Variants in AP2A2 observed in about 807,000 individuals in gnomAD.
The protein encoded by AP2A2 is adaptor related protein complex 2 subunit alpha 2.
In AP2A2, 32 loss-of-function variants were observed where a neutral mutation model predicts 104.2. The ratio of observed to expected loss-of-function variants is 0.31; its 90% CI spans 0.23 to 0.41. AP2A2 has a LOEUF of 0.41. Among genes scored for constraint, AP2A2 ranks in the 10% least tolerant of loss-of-function variants. The pLI is 1.00. For synonymous variants in AP2A2, 539 were observed against 533.3 expected, an observed-to-expected ratio of 1.01 and a Z score of -0.15; for missense variants, 912 against 1,261.0, an observed-to-expected ratio of 0.72 and a Z score of 4.19.
In AP2A2 at chr11:1,009,407, C is replaced by T. The variant is rs750172676; in HGVS notation, c.2607+10C>T. 5 of 1,609,946 alleles carry T rather than the reference C, an allele frequency of 3.1e-6. No individual in the cohort carries two copies. In the South Asian group the frequency reaches 5.5e-5, roughly 18 times the overall value. The stretch of plus-strand genomic sequence containing the variant: ...AGTCACCAAAGCCAAGGTAACACGT[C>T]TGGAGGGACGGCCCCGGGGGACACG... On this transcript the variant is annotated intron_variant, in intron 20 of 21. Coordinates refer to ENST00000448903, the MANE Select transcript of AP2A2 (RefSeq NM_012305.4).
intron 1 of AP2A2, chr11:946,632 G>T (rs186428936): frequency 2.0e-5 from 3 of 152,208 alleles, no homozygotes; most frequent in African/African-American, 7.2e-5. Context: ...TTAGCCAGGC[G>T]TGTTGGCGAA....
intron 4 of AP2A2, among the ~76,000 whole-genome samples, chr11:975,751 G>A (rs977404772): frequency 2.0e-5 from 3 of 150,938 alleles, no homozygotes; most frequent in Non-Finnish European, 4.4e-5. Context: ...GGTCTCCCTC[G>A]TGTGAGCCGA....
chr11:1,009,916 G>A (rs1346034644), intron 21 of AP2A2, 99 bp downstream of exon 21: 4 of 1,402,914 alleles, frequency 2.9e-6, no homozygotes, highest in Non-Finnish European at 3.8e-6. Context: ...AGTTCAGTCA[G>A]TTTTGACAGA....
chr11:951,067 G>T (rs964437630), intron 1 of AP2A2, among the ~76,000 whole-genome samples: 2 of 151,806 alleles, frequency 1.3e-5, no homozygotes, highest in African/African-American at 4.8e-5. Context: ...ACTCCAGCCT[G>T]GGTGACAGAG....
intron 1 of AP2A2, among the ~76,000 whole-genome samples, chr11:935,335 G>A (rs1371943060): frequency 1.3e-5 from 2 of 152,106 alleles, no homozygotes; most frequent in Non-Finnish European, 2.9e-5. Context: ...GGGATTACAG[G>A]TGTGAGCCAC....
intron 14 of AP2A2, among the ~76,000 whole-genome samples, chr11:998,061 A>G (rs981318112): frequency 6.6e-6 from 1 of 152,372 alleles, no homozygotes; most frequent in Admixed American, 6.5e-5. Context: ...CACGCAGCTC[A>G]CAGCTTTGTC....
chr11:987,372 G>A (rs543574246), intron 9 of AP2A2, among the ~76,000 whole-genome samples: 7 of 152,314 alleles, frequency 4.6e-5, no homozygotes, highest in African/African-American at 1.4e-4. Flanking sequence ...AGTTGGGGCC[G>A]GGCGCGGTGG....
intron 5 of AP2A2, among the ~76,000 whole-genome samples, chr11:980,947 G>A (rs1855217720): frequency 6.6e-6 from 1 of 152,238 alleles, no homozygotes; most frequent in South Asian, 2.1e-4. Context: ...TGGCCCTCTG[G>A]CTCTTCGATG....
At position 1,009,315 on chromosome 11, in the gene AP2A2, C is replaced by T. The variant is rs200003439; in HGVS notation, c.2538-13C>T. 295 of 1,613,280 alleles carry T rather than the reference C, an allele frequency of 1.8e-4. 1 individual carries two copies. The Middle Eastern group carries it at 3.1e-3, about 17-fold the overall frequency. On this transcript the variant is annotated splice_polypyrimidine_tract_variant and intron_variant, in intron 19 of 21. Coordinates refer to ENST00000448903, the MANE Select transcript of AP2A2 (RefSeq NM_012305.4). ...GCCTGGCTGAGAACACTCGCCTTTG[C>T]TGTTTCTCACAGTCCACAGCAGGAA...
chr11:1,010,431 G>T, intron 21 of AP2A2, 117 bp from the exon 22 acceptor site: 1 of 749,716 alleles, frequency 1.3e-6, no homozygotes, highest in Admixed American at 2.3e-5. Context: ...CGAGTTGTGG[G>T]TGCCTCCAGA....
Position 1,009,170 on chromosome 11 carries a change from G to C in AP2A2, c.2491G>C (p.Glu831Gln). 6.2e-7 allele frequency: 1 copy of C among 1,613,822 alleles called. No homozygotes were observed. The highest frequency in any genetic ancestry group is 8.5e-7 in the Non-Finnish European group (1 of 1,179,898). ...ITLNKFFQPT[E>Q]MASQDFFQRW... ...TCTCAACAAATTCTTCCAGCCGACA[G>C]AAATGGCTTCTCAGGATTTCTTTCA... The change falls in exon 19 of 22, where the codon GAA becomes CAA. Residue 831 changes from glutamate (E) to glutamine (Q), a missense_variant. Physicochemically the swap from Glu to Gln is conservative, Grantham distance 29. This residue lies in a region of AP2A2 where 239 missense variants were observed against 329.8 expected (regional missense o/e 0.72). Transcript: ENST00000448903.
intron 18 of AP2A2, chr11:1,008,773 ATTCT>A (rs1322424302): frequency 7.6e-6 from 3 of 393,542 alleles, no homozygotes; most frequent in Non-Finnish European, 1.4e-5. Flanking sequence ...TTTTTGTTTC[ATTCT>A]TTGTGCAAAT....
At chr11:967,701 A>G (rs1854667924) in intron 2 of AP2A2, among the ~76,000 whole-genome samples, 1 of 152,078 alleles carries the variant, frequency 6.6e-6, no homozygotes, top group African/African-American at 2.4e-5. Flanking sequence ...AGTTGGGCTC[A>G]GAGAGGTTAA....
intron 2 of AP2A2, among the ~76,000 whole-genome samples, chr11:960,275 C>T (rs905244663): frequency 1.3e-5 from 2 of 149,536 alleles, no homozygotes; most frequent in Admixed American, 6.7e-5. Flanking sequence ...TGGAGTCTTG[C>T]TCTGTCGCTC....
intron 1 of AP2A2, among the ~76,000 whole-genome samples, chr11:929,243 CTGATTTTGTGTGCTG>C (rs1466912310): frequency 6.6e-6 from 1 of 152,160 alleles, no homozygotes; most frequent in African/African-American, 2.4e-5. Context: ...CTGGCCAGCT[CTGATTTTGTGTGCTG>C]TTTTCCTGTC....
rs1462792987 is a variant in AP2A2, at chr11:986,882, A to T, written c.1060A>T (p.Thr354Ser). The change falls in exon 9 of 22, where the codon ACG becomes TCG. Residue 354 changes from threonine (T) to serine (S), a missense_variant. Thr to Ser is a moderately conservative substitution (Grantham distance 58, BLOSUM62 1). Around this residue, in one of 7 missense-constraint regions of AP2A2, gnomAD observed 350 missense variants for 487.0 expected, o/e 0.72. Transcript: ENST00000448903. The stretch of plus-strand genomic sequence containing the variant: ...CTACCTGGCCCTGGAGAGCATGTGC[A>T]CGCTGGCCAGCTCTGAGTTCTCCCA... ...LRYLALESMC[T>S]LASSEFSHEA... The T allele has an allele frequency of 1.2e-6, 2 of 1,608,998 alleles. No individual in the cohort carries two copies. The highest frequency in any genetic ancestry group is 1.7e-6 in the Non-Finnish European group (2 of 1,178,182).
At chr11:1,006,054 C>T (rs1323681907) in intron 16 of AP2A2, among the ~76,000 whole-genome samples, 2 of 152,226 alleles carry the variant, frequency 1.3e-5, no homozygotes, top group East Asian at 3.8e-4. Context: ...GGACGCGTGC[C>T]CAGCCGGGTC....
At chr11:969,354 C>T (rs565557312) in intron 2 of AP2A2, among the ~76,000 whole-genome samples, 7 of 151,388 alleles carry the variant, frequency 4.6e-5, no homozygotes, top group South Asian at 4.2e-4. Context: ...CTCAGCCTCC[C>T]GAGTAGCTGG....
At position 993,397 on chromosome 11, in the gene AP2A2, C is replaced by T. The variant is rs368551755; in HGVS notation, c.1550+16C>T. 134 of 1,589,222 alleles carry T rather than the reference C, an allele frequency of 8.4e-5. No individual in the cohort carries two copies. The highest frequency in any genetic ancestry group is 1.7e-4 in the Middle Eastern group (1 of 5,966). ...CGAGATCCAGGTGAGAGGCCCTTTG[C>T]GAGTCGGGGCTGTGTGCGCTCCGGC... On this transcript the variant is annotated intron_variant, in intron 12 of 21. Coordinates refer to ENST00000448903, the MANE Select transcript of AP2A2 (RefSeq NM_012305.4). This position sits in a 1 kb window ranked among gnomAD's most constrained non-coding sequence, Gnocchi z 8.2.
Sources: allele counts gnomAD v4.1 joint callset (sites outside exome capture counted in the v4.1 genomes callset), GRCh38; gene constraint gnomAD v4.1.1; regional missense constraint gnomAD v4.1.1; non-coding constraint Gnocchi (gnomAD v3.1); transcripts MANE v1.5; gene names NCBI Gene and HGNC (gene_info 2026-07-23, HGNC 2026-07-21).